The following ATP11C variants were observed in gnomAD, a reference collection of about 807,000 sequenced individuals.
The protein encoded by ATP11C is phospholipid-transporting ATPase IG.
In ATP11C, 36 loss-of-function variants were observed where a neutral mutation model predicts 97.4. The ratio of observed to expected loss-of-function variants is 0.37; its 90% confidence interval spans 0.28 to 0.49. ATP11C has a LOEUF of 0.49. ATP11C is among the 20% of genes least tolerant of loss of function. The pLI, the probability that ATP11C is intolerant of heterozygous loss-of-function variation, is 0.98. For synonymous variants in ATP11C, 275 were observed against 290.9 expected, an observed-to-expected ratio of 0.95 and a Z score of 0.56; for missense variants, 730 against 824.6, an observed-to-expected ratio of 0.89 and a Z score of 1.40.
intron 2 of ATP11C, among the ~76,000 whole-genome samples, chrX:139,823,307 G>A (rs2083454751): frequency 8.9e-6 from 1 of 112,377 alleles, no homozygotes; most frequent in African/African-American, 3.2e-5. Flanking sequence ...ACACAAGTGT[G>A]GCCACTAAAG....
At chrX:139,897,657 T>A (rs1309804938) in intron 1 of ATP11C, among the ~76,000 whole-genome samples, 3 of 91,486 alleles carry the variant, frequency 3.3e-5, no homozygotes, top group African/African-American at 1.2e-4. Flanking sequence ...GGCAACAGAG[T>A]AAGACTCTGT....
chrX:139,779,410 T>A (rs965956245), intron 18 of ATP11C, among the ~76,000 whole-genome samples: 1 of 111,802 alleles, frequency 8.9e-6, no homozygotes, highest in Admixed American at 9.5e-5. Context: ...GAAATAAAAT[T>A]AGAAATCAAT....
At chrX:139,750,902 T>C (rs765364471) in intron 23 of ATP11C, among the ~76,000 whole-genome samples, 3 of 112,100 alleles carry the variant, frequency 2.7e-5, no homozygotes, top group Non-Finnish European at 3.8e-5. Flanking sequence ...TAAAGTATTC[T>C]ATGAACCTCA....
intron 5 of ATP11C, among the ~76,000 whole-genome samples, chrX:139,813,485 T>C (rs2083220354): frequency 8.9e-6 from 1 of 112,188 alleles, no homozygotes. Context: ...TTATAGCAGT[T>C]TTACTCATAA....
intron 1 of ATP11C, among the ~76,000 whole-genome samples, chrX:139,839,686 C>A (rs1329463381): frequency 2.7e-5 from 3 of 111,658 alleles, no homozygotes; most frequent in Non-Finnish European, 5.6e-5. Flanking sequence ...ATGTGCAACA[C>A]AAACCTAACC....
At chrX:139,773,360 T>TG (rs1001419922) in intron 19 of ATP11C, among the ~76,000 whole-genome samples, 1 of 111,155 alleles carries the variant, frequency 9.0e-6, no homozygotes, top group African/African-American at 3.3e-5. Flanking sequence ...GCCTCCATGA[T>TG]GGGATTACTG....
intron 1 of ATP11C, among the ~76,000 whole-genome samples, chrX:139,858,514 C>T (rs1176502243): frequency 8.9e-6 from 1 of 112,103 alleles, no homozygotes; most frequent in Non-Finnish European, 1.9e-5. Context: ...ATGTTGATCA[C>T]ACCAAAAAGG....
chrX:139,866,884 A>G (rs2084296352), intron 1 of ATP11C, among the ~76,000 whole-genome samples: 1 of 110,917 alleles, frequency 9.0e-6, no homozygotes. Context: ...GGAATTCGAG[A>G]CCAGCCTGGG....
At chrX:139,871,050 G>A (rs1310024821) in intron 1 of ATP11C, among the ~76,000 whole-genome samples, 1 of 69,579 alleles carries the variant, frequency 1.4e-5, no homozygotes, top group African/African-American at 5.6e-5. Flanking sequence ...GCGACAGAGC[G>A]AGACTCCGTC....
At position 139,932,171 on chromosome X, in the gene ATP11C, C is replaced by T. The variant is rs1458882980; in HGVS notation, c.-129G>A. Reference sequence around the variant, plus strand: ...CAGCGAGGCGGGCGGCCGGGCCACCCGCTCGCCGCCTGCCCCCCTCGGCTC... The same window carrying T: ...CAGCGAGGCGGGCGGCCGGGCCACCTGCTCGCCGCCTGCCCCCCTCGGCTC... On this transcript the variant is annotated 5_prime_UTR_variant, in exon 1 of 30. Transcript: ENST00000682941. 5.9e-6 allele frequency: 3 copies of T among 507,038 alleles called. No individual in the cohort carries two copies. In the Admixed American group the frequency reaches 2.3e-4, roughly 38 times the overall value. 41.8% of individuals were successfully genotyped at this position (507,038 alleles called of 1,213,427 possible).
intron 24 of ATP11C, among the ~76,000 whole-genome samples, chrX:139,748,705 A>G (rs2081744958): frequency 8.9e-6 from 1 of 112,094 alleles, no homozygotes; most frequent in African/African-American, 3.2e-5. Flanking sequence ...TCAGCAGAAC[A>G]TGTAAACACC....
intron 1 of ATP11C, among the ~76,000 whole-genome samples, chrX:139,829,276 C>T (rs1253947466): frequency 1.8e-5 from 2 of 111,436 alleles, no homozygotes; most frequent in Non-Finnish European, 3.8e-5. Context: ...GTGTCTTTTC[C>T]GTGCCTGTTT....
intron 1 of ATP11C, chrX:139,832,189 T>C (rs761118371): frequency 1.7e-6 from 2 of 1,207,664 alleles, no homozygotes; most frequent in Admixed American, 4.4e-5. Context: ...ACCATCTGCA[T>C]ACTGACATGC....
At chrX:139,793,116 C>T (rs5954562) in intron 12 of ATP11C, among the ~76,000 whole-genome samples, 20,322 of 110,921 alleles carry the variant, frequency 0.18, 3,093 homozygotes, top group African/African-American at 0.5. Context: ...CACTGTTTGT[C>T]GGTGAGAGAA....
intron 1 of ATP11C, among the ~76,000 whole-genome samples, chrX:139,901,910 AT>A (rs1186517297): frequency 8.3e-5 from 9 of 108,926 alleles, no homozygotes; most frequent in South Asian, 4.0e-4. Flanking sequence ...TCCCTGATAG[AT>A]TTTTTTTTCC....
chrX:139,872,315 A>C (rs1010104875), intron 1 of ATP11C, among the ~76,000 whole-genome samples: 4 of 110,340 alleles, frequency 3.6e-5, no homozygotes, highest in Admixed American at 1.9e-4. Flanking sequence ...CTGTATCTTC[A>C]AAAGCTTGAA....
intron 1 of ATP11C, among the ~76,000 whole-genome samples, chrX:139,918,996 T>C (rs2148160356): frequency 9.0e-6 from 1 of 111,618 alleles, no homozygotes; most frequent in Admixed American, 9.5e-5. Context: ...ATTCCAGCAC[T>C]TTGGGAGGCT....
intron 1 of ATP11C, among the ~76,000 whole-genome samples, chrX:139,842,719 T>C (rs1174833400): frequency 2.7e-5 from 3 of 112,253 alleles, no homozygotes; most frequent in African/African-American, 9.7e-5. Flanking sequence ...TGTCTGAGCG[T>C]TGGGTAATTT....
intron 12 of ATP11C, among the ~76,000 whole-genome samples, chrX:139,794,194 T>C (rs900317721): frequency 2.7e-5 from 3 of 112,402 alleles, no homozygotes; most frequent in African/African-American, 9.7e-5. Flanking sequence ...CAAGCACTGT[T>C]CTAAACATAT....
Sources: allele counts gnomAD v4.1 joint callset (sites outside exome capture counted in the v4.1 genomes callset), GRCh38; gene constraint gnomAD v4.1.1; transcripts MANE v1.5; gene names NCBI Gene and HGNC (gene_info 2026-07-23, HGNC 2026-07-21).